DENND6A: variants seen among roughly 807,000 people sequenced by gnomAD.
DENND6A encodes protein DENND6A.
Under a neutral mutation model 95.5 loss-of-function variants are expected in DENND6A, and 43 were observed. The observed-to-expected ratio is 0.45, with a 90% CI of 0.35 to 0.58. DENND6A has a LOEUF of 0.58. DENND6A is among the 20% of genes least tolerant of loss of function. The probability of loss-of-function intolerance (pLI) is 0.00; values close to 1 mark genes in which losing one functional copy is unlikely to be tolerated. For missense variants in DENND6A, 574 were observed against 736.0 expected (o/e 0.78, Z 2.55); for synonymous variants, 257 against 260.4 (o/e 0.99, Z 0.13).
At chr3:57,673,810 T>C (rs1376730203) in intron 1 of DENND6A, among the ~76,000 whole-genome samples, 1 of 152,152 alleles carries the variant, frequency 6.6e-6, no homozygotes, top group Non-Finnish European at 1.5e-5. Context: ...AATGGTGTGA[T>C]CTTGGCTTAC....
chr3:57,685,570 C>T (rs1292369770), intron 1 of DENND6A, among the ~76,000 whole-genome samples: 1 of 151,066 alleles, frequency 6.6e-6, no homozygotes, highest in Non-Finnish European at 1.5e-5. Context: ...GGTTTTGGAG[C>T]GTCTCAGATT....
At position 57,679,444 on chromosome 3, in the gene DENND6A, T is replaced by G. The variant is rs2077140121; in HGVS notation, c.238-7006A>C. On this transcript the variant is annotated intron_variant, in intron 1 of 19. Transcript: ENST00000311128. ...ATCATCTCTTCTTCACTTCAATTTTTTCTTTAAAGCCCAAATTTTCTTTAA... is the reference window on the plus strand; with the variant it reads ...ATCATCTCTTCTTCACTTCAATTTTGTCTTTAAAGCCCAAATTTTCTTTAA... 4.1e-6 allele frequency: 4 copies of G among 967,644 alleles called. No homozygotes were observed. In the African/African-American group the frequency reaches 7.0e-5, roughly 17 times the overall value. 59.9% of individuals were successfully genotyped at this position (967,644 alleles called of 1,614,324 possible).
chr3:57,653,742 T>C (rs1464715564), intron 9 of DENND6A, among the ~76,000 whole-genome samples: 1 of 114,838 alleles, frequency 8.7e-6, no homozygotes, highest in African/African-American at 3.8e-5. Flanking sequence ...CGAGACTCCA[T>C]CTAAAAAAAA....
intron 7 of DENND6A, among the ~76,000 whole-genome samples, chr3:57,660,311 C>T (rs1424349765): frequency 6.6e-6 from 1 of 151,600 alleles, no homozygotes; most frequent in East Asian, 1.9e-4. Context: ...ATCCCAAGTA[C>T]CTAGGACTAC....
chr3:57,688,242 C>T lies in DENND6A; in HGVS notation c.237+4540G>A, dbSNP rs561568605. On this transcript the variant is annotated intron_variant, in intron 1 of 19. Coordinates refer to ENST00000311128, the MANE Select transcript of DENND6A (RefSeq NM_152678.3). ...AACTCCTGACCTCAAGTGATCCACG[C>T]GCCTCAGCCTCCCAAAGTGCTTGGA... Among the ~76,000 whole-genome samples the T allele has an allele frequency of 5.9e-5, 9 of 152,066 alleles. No homozygotes were observed. In the South Asian group the frequency reaches 1.0e-3, roughly 18 times the overall value.
At position 57,692,773 on chromosome 3, in the gene DENND6A, G is replaced by A. The variant is rs113458871; in HGVS notation, c.237+9C>T. On this transcript the variant is annotated intron_variant, in intron 1 of 19. Coordinates refer to ENST00000311128, the MANE Select transcript of DENND6A (RefSeq NM_152678.3). ...AGGAGCGCCGAGAAAGGGCGGGGCC[G>A]GGCCTCACCTCCACGGCCTGGCCCA... 1,916 of 1,487,322 alleles carry A rather than the reference G, an allele frequency of 1.3e-3. 20 individuals are homozygous for A. The African/African-American group carries it at 0.023, about 18-fold the overall frequency. 92.1% of individuals were successfully genotyped at this position (1,487,322 alleles called of 1,614,324 possible). A position where few individuals can be genotyped will look rare whatever the true frequency, so the allele number is the denominator to read the frequency against.
At chr3:57,684,750 A>C (rs1005176941) in intron 1 of DENND6A, among the ~76,000 whole-genome samples, 3 of 152,198 alleles carry the variant, frequency 2.0e-5, no homozygotes, top group Non-Finnish European at 4.4e-5. Context: ...GTGACACAGC[A>C]TGACCCTGTC....
intron 18 of DENND6A, among the ~76,000 whole-genome samples, chr3:57,629,568 G>A (rs2070617324): frequency 1.5e-5 from 2 of 137,368 alleles, no homozygotes; most frequent in Non-Finnish European, 3.0e-5. Context: ...CTGGAGCACA[G>A]TGGCGCGATC....
intron 4 of DENND6A, among the ~76,000 whole-genome samples, chr3:57,664,878 G>T (rs1427488690): frequency 2.6e-5 from 4 of 152,074 alleles, no homozygotes. Flanking sequence ...AGGAGGATGG[G>T]TACCATGAAA....
At chr3:57,662,901 C>G (rs1230259553) in intron 5 of DENND6A, among the ~76,000 whole-genome samples, 1 of 151,850 alleles carries the variant, frequency 6.6e-6, no homozygotes, top group Admixed American at 6.6e-5. Context: ...GGTGGATCAC[C>G]TGAAGTCAGG....
chr3:57,636,652 G>C (rs143968857), intron 12 of DENND6A, among the ~76,000 whole-genome samples: 128 of 152,166 alleles, frequency 8.4e-4, no homozygotes, highest in African/African-American at 2.8e-3. Flanking sequence ...GAGATAAAAA[G>C]TTGGCCGGGC....
intron 3 of DENND6A, among the ~76,000 whole-genome samples, chr3:57,667,987 A>G (rs377762297): frequency 6.6e-6 from 1 of 152,092 alleles, no homozygotes; most frequent in East Asian, 1.9e-4. Flanking sequence ...AATTTCTTGA[A>G]CACAGTAGGC....
chr3:57,676,974 C>T (rs1359999424), intron 1 of DENND6A, among the ~76,000 whole-genome samples: 1 of 152,142 alleles, frequency 6.6e-6, no homozygotes, highest in Non-Finnish European at 1.5e-5. Flanking sequence ...CAGGTGTGCA[C>T]CACCATGCCC....
intron 1 of DENND6A, among the ~76,000 whole-genome samples, chr3:57,691,938 T>C (rs1475210814): frequency 6.8e-6 from 1 of 146,362 alleles, no homozygotes; most frequent in Non-Finnish European, 1.5e-5. Flanking sequence ...TAAAAAAAAA[T>C]AACAGAAATG....
rs1205055626 is a variant in DENND6A, at chr3:57,663,579, T to C, written c.513+57A>G. The C allele has an allele frequency of 4.7e-6, 6 of 1,286,212 alleles. No homozygotes were observed. The South Asian group carries it at 7.4e-5, about 16-fold the overall frequency. The allele number at this position is 1,286,212 out of a possible 1,614,324, so 79.7% of individuals were successfully genotyped here. A position where few individuals can be genotyped will look rare whatever the true frequency, so the allele number is the denominator to read the frequency against. ...AAAGACTCTTAAATCTAACACTTTC[T>C]ATTTTTCTAATCACAAAATAAAAAA... is the stretch of plus-strand genomic sequence containing the variant. On this transcript the variant is annotated intron_variant, in intron 5 of 19. Coordinates refer to ENST00000311128, the MANE Select transcript of DENND6A (RefSeq NM_152678.3).
intron 1 of DENND6A, among the ~76,000 whole-genome samples, chr3:57,686,357 G>A (rs1485616388): frequency 1.3e-5 from 2 of 152,106 alleles, no homozygotes; most frequent in Non-Finnish European, 2.9e-5. Context: ...GATTACATAA[G>A]ATTATAACTG....
At chr3:57,691,827 G>C (rs1251647404) in intron 1 of DENND6A, among the ~76,000 whole-genome samples, 1 of 151,998 alleles carries the variant, frequency 6.6e-6, no homozygotes, top group South Asian at 2.1e-4. Flanking sequence ...TTCGGTAAGG[G>C]GCCATACATA....
rs777213921 is a variant in DENND6A, at chr3:57,628,240, T to C, written c.1801A>G (p.Ile601Val). ...ILALPEDLQG[I>V]LLKTGMT ...CATGTCATGCCCGTTTTGAGCAGTATGCCTTGCAAGTCCTCTGGCAATGCT... is the reference window on the plus strand; with the variant it reads ...CATGTCATGCCCGTTTTGAGCAGTACGCCTTGCAAGTCCTCTGGCAATGCT... The change falls in exon 20 of 20, where the codon ATA (isoleucine) becomes GTA (valine). Residue 601 changes from isoleucine to valine, a missense_variant. By Grantham distance (29) the Ile-to-Val change is conservative (BLOSUM62 3). Around this residue, in one of 2 missense-constraint regions of DENND6A, gnomAD observed 452 missense variants for 630.9 expected, o/e 0.72. Transcript: ENST00000311128. The C allele has an allele frequency of 5.0e-6, 8 of 1,613,798 alleles. No individual in the cohort carries two copies. In the South Asian group the frequency reaches 8.8e-5, roughly 18 times the overall value.
chr3:57,658,674 C>CA (rs1182014245), intron 8 of DENND6A, among the ~76,000 whole-genome samples: 2 of 152,118 alleles, frequency 1.3e-5, no homozygotes, highest in Non-Finnish European at 1.5e-5. Context: ...CAAAGTACAA[C>CA]AAAAAAATGT....
Sources: gnomAD v4.1 joint callset for allele counts (sites outside exome capture counted in the v4.1 genomes callset) on GRCh38, gnomAD v4.1.1 for gene constraint, gnomAD v4.1.1 regional missense constraint, MANE v1.5 for transcripts, NCBI Gene and HGNC (gene_info 2026-07-23, HGNC 2026-07-21) for gene names.